The following SEMA3D variants were observed in gnomAD, a reference collection of about 807,000 sequenced individuals.
SEMA3D encodes semaphorin-3D.
Under a neutral mutation model 100.1 loss-of-function variants are expected in SEMA3D, and 84 were observed. That is an observed-to-expected ratio of 0.84 (90% CI 0.70 to 1.01). The LOEUF (loss-of-function observed/expected upper bound fraction) is 1.01, where lower values mean the gene tolerates loss of function less well. SEMA3D is among the 50% of genes least tolerant of loss of function. The probability of loss-of-function intolerance (pLI) is 0.00; values close to 1 mark genes in which losing one functional copy is unlikely to be tolerated. For synonymous variants in SEMA3D, 312 were observed against 320.7 expected (o/e 0.97, Z 0.29); for missense variants, 875 against 934.1 (o/e 0.94, Z 0.82).
chr7:85,039,435 T>C (rs2115972947), intron 11 of SEMA3D, among the ~76,000 whole-genome samples: 1 of 152,206 alleles, frequency 6.6e-6, no homozygotes, highest in African/African-American at 2.4e-5. Flanking sequence ...TTTTTTGTAT[T>C]TTTAGTAGAG....
At chr7:85,112,856 T>A (rs1789130327) in intron 3 of SEMA3D, among the ~76,000 whole-genome samples, 1 of 152,166 alleles carries the variant, frequency 6.6e-6, no homozygotes, top group African/African-American at 2.4e-5. Context: ...AACTGAAAAA[T>A]AAGTTCAAAT....
intron 4 of SEMA3D, among the ~76,000 whole-genome samples, chr7:85,082,263 T>TG (rs944195338): frequency 1.8e-4 from 27 of 152,098 alleles, no homozygotes; most frequent in Non-Finnish European, 3.1e-4. Flanking sequence ...ACTCTTGAAC[T>TG]GGGGGGGTCT....
intron 11 of SEMA3D, among the ~76,000 whole-genome samples, chr7:85,037,741 A>G (rs13242253): frequency 0.21 from 32,079 of 151,948 alleles, 4,087 homozygotes; most frequent in Non-Finnish European, 0.3. Context: ...AGAGGCAAAA[A>G]ACTCCAAAGG....
rs1445847906 is a variant in SEMA3D at position 85,015,109 on chromosome 7, G to A, written c.1653C>T (p.Tyr551=). The A allele has an allele frequency of 6.2e-7, 1 of 1,611,850 alleles. No individual in the cohort carries two copies. The highest frequency in any genetic ancestry group is 1.7e-5 in the Admixed American group (1 of 59,822). Residue 551 remains tyrosine (Y), a synonymous_variant, in exon 16 of 19, where the codon TAC becomes TAT. Transcript: ENST00000284136. ...CADCCLARDP[Y]CAWDGNACSR... ...AGCATGCATTTCCATCCCAGGCACA[G>A]TAGGGGTCTCTGGCAAGACAACAGT... is the stretch of plus-strand genomic sequence containing the variant.
At chr7:85,187,184 G>C (rs1003293), upstream of SEMA3D, among the ~76,000 whole-genome samples, 101,014 of 151,972 alleles carry the variant, frequency 0.66, 34,298 homozygotes, top group East Asian at 0.92. Flanking sequence ...CCTGCTGCGC[G>C]GAGGCTGCCA....
intron 1 of SEMA3D, among the ~76,000 whole-genome samples, chr7:85,171,359 G>A (rs932289196): frequency 6.6e-6 from 1 of 151,926 alleles, no homozygotes; most frequent in Non-Finnish European, 1.5e-5. Flanking sequence ...ACAGAACCGT[G>A]GACAAAGAGA....
intron 3 of SEMA3D, among the ~76,000 whole-genome samples, chr7:85,118,675 G>A (rs976963496): frequency 6.6e-6 from 1 of 152,080 alleles, no homozygotes; most frequent in Non-Finnish European, 1.5e-5. Context: ...TTAGATGTTT[G>A]TCAGGTGCAT....
At chr7:85,092,388 T>G (rs1210149524) in intron 4 of SEMA3D, among the ~76,000 whole-genome samples, 2 of 151,944 alleles carry the variant, frequency 1.3e-5, no homozygotes, top group South Asian at 2.1e-4. Flanking sequence ...GGATTTTTGT[T>G]GAACTAAATG....
rs150661702 is a variant in SEMA3D, at chr7:85,165,715, G to A, written c.-172-11976C>T. Among the ~76,000 whole-genome samples, 42 of 152,124 alleles carry A rather than the reference G, an allele frequency of 2.8e-4. No homozygotes were observed. The East Asian group carries it at 7.2e-3, about 26-fold the overall frequency. ...ATATATTTCTTTAAAACCAATTCAGGTAATTCCCTTTAAACTAAGAAGGAC... is the reference window on the plus strand; with the variant it reads ...ATATATTTCTTTAAAACCAATTCAGATAATTCCCTTTAAACTAAGAAGGAC... On this transcript the variant is annotated intron_variant, in intron 1 of 18. Coordinates refer to ENST00000284136, the MANE Select transcript of SEMA3D (RefSeq NM_001384900.1).
chr7:85,224,147 G>A, the SEMA3D span, among the ~76,000 whole-genome samples: 1 of 152,102 alleles, frequency 6.6e-6, no homozygotes, highest in Admixed American at 6.6e-5. Flanking sequence ...ACTTAGAAGA[G>A]CACTGGGATT....
chr7:85,133,410 A>C (rs763501167), intron 2 of SEMA3D, among the ~76,000 whole-genome samples: 6 of 152,070 alleles, frequency 3.9e-5, no homozygotes, highest in Non-Finnish European at 7.4e-5. Context: ...TATTTTTTAC[A>C]TCTTTCCCTC....
the SEMA3D span, among the ~76,000 whole-genome samples, chr7:85,203,076 T>C: frequency 6.6e-6 from 1 of 152,188 alleles, no homozygotes; most frequent in Non-Finnish European, 1.5e-5. Flanking sequence ...AGATGATTTG[T>C]CATGAGATTT....
chr7:85,069,670 G>A (rs1459408896), intron 6 of SEMA3D, among the ~76,000 whole-genome samples: 1 of 152,108 alleles, frequency 6.6e-6, no homozygotes, highest in Non-Finnish European at 1.5e-5. Context: ...ATGGAAATAT[G>A]GGCAGAGAAG....
chr7:85,133,307 T>G (rs1789778222), intron 2 of SEMA3D, among the ~76,000 whole-genome samples: 1 of 151,908 alleles, frequency 6.6e-6, no homozygotes, highest in Middle Eastern at 3.2e-3. Flanking sequence ...AAAACTGGAC[T>G]TACATGAATA....
the SEMA3D span, among the ~76,000 whole-genome samples, chr7:85,212,481 T>C: frequency 6.6e-6 from 1 of 150,922 alleles, no homozygotes; most frequent in East Asian, 1.9e-4. Context: ...TCAGTTCTTC[T>C]TCAGAGAAAT....
intron 4 of SEMA3D, among the ~76,000 whole-genome samples, chr7:85,088,385 A>T (rs1788285440): frequency 6.6e-6 from 1 of 152,198 alleles, no homozygotes; most frequent in Admixed American, 6.5e-5. Context: ...TAATTCAGAG[A>T]TGTCAAAACA....
intron 18 of SEMA3D, among the ~76,000 whole-genome samples, chr7:85,006,368 T>C (rs546635465): frequency 3.2e-4 from 49 of 152,108 alleles, no homozygotes; most frequent in African/African-American, 1.1e-3. Flanking sequence ...AATTTGCTCA[T>C]ATAATTTGAT....
At chr7:85,202,412 T>A in the SEMA3D span, among the ~76,000 whole-genome samples, 1 of 151,978 alleles carries the variant, frequency 6.6e-6, no homozygotes, top group African/African-American at 2.4e-5. Context: ...GGCTGCATAG[T>A]ATTCCATGGT....
intron 3 of SEMA3D, among the ~76,000 whole-genome samples, chr7:85,114,788 T>C (rs959555066): frequency 4.6e-5 from 7 of 152,176 alleles, no homozygotes; most frequent in Non-Finnish European, 7.4e-5. Flanking sequence ...CTGAGATGAA[T>C]GAAAATTTAG....
Sources: allele counts gnomAD v4.1 joint callset (sites outside exome capture counted in the v4.1 genomes callset), GRCh38; gene constraint gnomAD v4.1.1; transcripts MANE v1.5; gene names NCBI Gene and HGNC (gene_info 2026-07-23, HGNC 2026-07-21).